Variants in RNLS observed in about 807,000 individuals in gnomAD.
RNLS encodes renalase, FAD dependent amine oxidase.
A neutral mutation model predicts 39.8 loss-of-function variants in RNLS; 39 were observed. The observed-to-expected ratio is 0.98, with a 90% confidence interval of 0.76 to 1.28. The LOEUF is 1.28. Ranked by LOEUF, RNLS falls within the 50% of genes most tolerant of loss-of-function variation. The pLI, the probability that RNLS is intolerant of heterozygous loss-of-function variation, is 0.00. For synonymous variants in RNLS, 147 were observed against 150.7 expected (o/e 0.98, Z 0.18); for missense variants, 410 against 413.3 (o/e 0.99, Z 0.07).
chr10:88,187,258 G>A, the RNLS span, among the ~76,000 whole-genome samples: 1 of 146,282 alleles, frequency 6.8e-6, no homozygotes, highest in African/African-American at 2.5e-5. Context: ...AAGCTCCTGA[G>A]TATTTTGTTG....
chr10:88,225,431 G>A, the RNLS span, among the ~76,000 whole-genome samples: 49 of 152,264 alleles, frequency 3.2e-4, no homozygotes, highest in African/African-American at 1.0e-3. Flanking sequence ...AAAACAACTG[G>A]GAGCTGGGTG....
chr10:88,559,920 CA>C (rs1849080283), intron 4 of RNLS, among the ~76,000 whole-genome samples: 1 of 151,438 alleles, frequency 6.6e-6, no homozygotes, highest in Non-Finnish European at 1.5e-5. Context: ...TCTTGGGGGT[CA>C]GAAAGACTTT....
intron 6 of RNLS, among the ~76,000 whole-genome samples, chr10:88,285,827 A>G (rs1348907835): frequency 2.6e-5 from 4 of 152,080 alleles, no homozygotes; most frequent in Non-Finnish European, 5.9e-5. Context: ...TGAAATTCAT[A>G]TGTTGAAGTC....
intron 6 of RNLS, among the ~76,000 whole-genome samples, chr10:88,290,292 A>G (rs1843578592): frequency 6.6e-6 from 1 of 152,188 alleles, no homozygotes; most frequent in South Asian, 2.1e-4. Flanking sequence ...CTATTCAGCC[A>G]TCCAGCCCAT....
At chr10:88,469,680 T>C (rs1843399681) in intron 4 of RNLS, among the ~76,000 whole-genome samples, 1 of 152,128 alleles carries the variant, frequency 6.6e-6, no homozygotes, top group African/African-American at 2.4e-5. Context: ...AAACCTTTCT[T>C]TTTTCTTTTC....
intron 4 of RNLS, among the ~76,000 whole-genome samples, chr10:88,512,581 C>T (rs1421561015): frequency 6.6e-6 from 1 of 151,532 alleles, no homozygotes; most frequent in South Asian, 2.1e-4. Context: ...CTTTATTTAA[C>T]ATCACCTATG....
At chr10:88,552,512 G>A (rs1305827172) in intron 4 of RNLS, among the ~76,000 whole-genome samples, 2 of 152,166 alleles carry the variant, frequency 1.3e-5, no homozygotes, top group Non-Finnish European at 2.9e-5. Flanking sequence ...AAGTGTTTGC[G>A]ATAACAGCAA....
At chr10:88,459,990 A>T (rs1488866648) in intron 4 of RNLS, among the ~76,000 whole-genome samples, 3 of 152,186 alleles carry the variant, frequency 2.0e-5, no homozygotes, top group African/African-American at 7.2e-5. Context: ...GAAGGCAAAA[A>T]GGGAAAAAGC....
At chr10:88,216,565 ATTGGATTGGC>A in the RNLS span, among the ~76,000 whole-genome samples, 1 of 152,206 alleles carries the variant, frequency 6.6e-6, no homozygotes, top group African/African-American at 2.4e-5. Flanking sequence ...AATGACACTT[ATTGGATTGGC>A]TTGGGTCACA....
At chr10:88,180,999 C>T in the RNLS span, among the ~76,000 whole-genome samples, 1 of 152,126 alleles carries the variant, frequency 6.6e-6, no homozygotes, top group African/African-American at 2.4e-5. Flanking sequence ...TGATAGGTCC[C>T]CAAAGATCAA....
At chr10:88,271,652 T>C (rs888734355), downstream of RNLS, among the ~76,000 whole-genome samples, 1 of 152,208 alleles carries the variant, frequency 6.6e-6, no homozygotes, top group Non-Finnish European at 1.5e-5. Context: ...GCTTGTCTTA[T>C]GTGGGTTTGT....
rs140671369 is a variant in RNLS, at chr10:88,561,655, C to T, written c.526+11248G>A. ...TTAGAGTGAGGGAGATAATCCTTAG[C>T]AATCAGGAAGTCAAGTATCTATTAA... On this transcript the variant is annotated intron_variant, in intron 4 of 6. Transcript: ENST00000331772. Among the ~76,000 whole-genome samples the T allele has an allele frequency of 7.6e-3, 1,147 of 151,920 alleles. 21 individuals carry two copies. Among genetic ancestry groups the T allele is most frequent in the African/African-American group, 0.026 (1,086 of 41,460 alleles).
the RNLS span, among the ~76,000 whole-genome samples, chr10:88,176,515 A>G: frequency 6.6e-6 from 1 of 152,206 alleles, no homozygotes; most frequent in South Asian, 2.1e-4. Flanking sequence ...TTTACATTCA[A>G]GGTTCTTATT....
At chr10:88,383,410 G>C (rs1851668248) in intron 4 of RNLS, among the ~76,000 whole-genome samples, 1 of 152,058 alleles carries the variant, frequency 6.6e-6, no homozygotes, top group Admixed American at 6.5e-5. Context: ...TTTATACTGT[G>C]GTAAAGTCAT....
intron 4 of RNLS, among the ~76,000 whole-genome samples, chr10:88,390,236 A>G (rs1343716885): frequency 2.6e-5 from 4 of 152,218 alleles, no homozygotes; most frequent in Non-Finnish European, 5.9e-5. Flanking sequence ...ATAAAGTGAA[A>G]GTCTCTGGGA....
At chr10:88,454,826 G>A (rs543026326) in intron 4 of RNLS, among the ~76,000 whole-genome samples, 2 of 152,278 alleles carry the variant, frequency 1.3e-5, no homozygotes, top group East Asian at 3.9e-4. Flanking sequence ...ACAGAAGCAA[G>A]GAGAATAGAT....
At chr10:88,483,170 A>G (rs1181226379) in intron 4 of RNLS, among the ~76,000 whole-genome samples, 1 of 152,150 alleles carries the variant, frequency 6.6e-6, no homozygotes, top group African/African-American at 2.4e-5. Context: ...GCTTTCATAT[A>G]TTCAAAATTT....
the RNLS span, among the ~76,000 whole-genome samples, chr10:88,217,227 A>G: frequency 6.6e-6 from 1 of 152,236 alleles, no homozygotes; most frequent in African/African-American, 2.4e-5. Flanking sequence ...AGTGACTAGA[A>G]AACAAGGAAG....
chr10:88,575,928 A>T (rs1464369229), intron 3 of RNLS, among the ~76,000 whole-genome samples: 3 of 152,112 alleles, frequency 2.0e-5, no homozygotes, highest in Non-Finnish European at 4.4e-5. Flanking sequence ...ATGATCTTTT[A>T]TTCCTTGAAT....
Sources: gnomAD v4.1 joint callset for allele counts (sites outside exome capture counted in the v4.1 genomes callset) on GRCh38, gnomAD v4.1.1 for gene constraint, MANE v1.5 for transcripts, NCBI Gene and HGNC (gene_info 2026-07-23, HGNC 2026-07-21) for gene names.